The following GALNT13 variants were observed in gnomAD, a reference collection of about 807,000 sequenced individuals.
The protein encoded by GALNT13 is polypeptide N-acetylgalactosaminyltransferase 13, also known as UDP-GalNAc:polypeptide N-acetylgalactosaminyltransferase 13.
A neutral mutation model predicts 64.2 loss-of-function variants in GALNT13; 28 were observed. The ratio of observed to expected loss-of-function variants is 0.44; its 90% confidence interval spans 0.32 to 0.60. The LOEUF (loss-of-function observed/expected upper bound fraction) is 0.60. Among genes scored for constraint, GALNT13 ranks in the 20% least tolerant of loss-of-function variants. The pLI, the probability that GALNT13 is intolerant of heterozygous loss-of-function variation, is 0.05. For missense variants in GALNT13, 577 were observed against 669.8 expected (o/e 0.86, Z 1.53); for synonymous variants, 214 against 224.6 (o/e 0.95, Z 0.42).
At chr2:153,827,890 C>T in the GALNT13 span, among the ~76,000 whole-genome samples, 5 of 152,190 alleles carry the variant, frequency 3.3e-5, no homozygotes, top group African/African-American at 9.7e-5. Context: ...AATGGGTGTA[C>T]AGGCATTGGG....
intron 3 of GALNT13, among the ~76,000 whole-genome samples, chr2:154,065,740 A>G (rs993024077): frequency 1.3e-5 from 2 of 152,156 alleles, no homozygotes; most frequent in Non-Finnish European, 2.9e-5. Flanking sequence ...AATCATAGGA[A>G]GTCTTCCCTA....
chr2:153,631,700 G>A, the GALNT13 span, among the ~76,000 whole-genome samples: 23,035 of 152,086 alleles, frequency 0.15, 1,813 homozygotes, highest in South Asian at 0.18. Flanking sequence ...GTAGATTCTG[G>A]ATATTAGCCC....
At chr2:154,342,727 C>T (rs1226196303) in intron 9 of GALNT13, among the ~76,000 whole-genome samples, 10 of 151,864 alleles carry the variant, frequency 6.6e-5, no homozygotes, top group Middle Eastern at 3.2e-3. Flanking sequence ...ATTTGCTCTC[C>T]GGCCCTTTAC....
the GALNT13 span, among the ~76,000 whole-genome samples, chr2:153,784,112 G>A: frequency 0.096 from 14,669 of 152,110 alleles, 1,586 homozygotes; most frequent in African/African-American, 0.27. Flanking sequence ...GGAAAGTTTT[G>A]AACTTCTTAC....
At chr2:153,840,157 A>G in the GALNT13 span, among the ~76,000 whole-genome samples, 4 of 152,260 alleles carry the variant, frequency 2.6e-5, no homozygotes, top group African/African-American at 9.6e-5. Flanking sequence ...ACAAATAGAA[A>G]AATAAACAAA....
chr2:153,197,912 A>C, the GALNT13 span, among the ~76,000 whole-genome samples: 2,042 of 152,246 alleles, frequency 0.013, 25 homozygotes, highest in Non-Finnish European at 0.02. Context: ...AGCCCCAGGC[A>C]GGGGGGTTTC....
chr2:153,339,943 C>T, the GALNT13 span, among the ~76,000 whole-genome samples: 12 of 151,926 alleles, frequency 7.9e-5, no homozygotes, highest in Admixed American at 1.3e-4. Context: ...CTCTTTGTTC[C>T]GTTTCATTGT....
At chr2:153,703,429 G>C in the GALNT13 span, among the ~76,000 whole-genome samples, 1 of 151,424 alleles carries the variant, frequency 6.6e-6, no homozygotes, top group Non-Finnish European at 1.5e-5. Flanking sequence ...TATAAACTTC[G>C]CTTATGTAAA....
the GALNT13 span, among the ~76,000 whole-genome samples, chr2:153,696,072 C>T: frequency 6.6e-6 from 1 of 151,990 alleles, no homozygotes; most frequent in Non-Finnish European, 1.5e-5. Context: ...GGTAAAGTCC[C>T]ACAATAGGCC....
the GALNT13 span, among the ~76,000 whole-genome samples, chr2:153,424,069 G>T: frequency 6.7e-6 from 1 of 150,078 alleles, no homozygotes; most frequent in Non-Finnish European, 1.5e-5. Flanking sequence ...TTACTGAACA[G>T]ATCGAGCCAT....
At chr2:154,076,279 A>G (rs1700983662) in intron 3 of GALNT13, among the ~76,000 whole-genome samples, 1 of 151,776 alleles carries the variant, frequency 6.6e-6, no homozygotes, top group African/African-American at 2.4e-5. Flanking sequence ...AAGAATTCAA[A>G]TAGTTAAACA....
the GALNT13 span, among the ~76,000 whole-genome samples, chr2:153,576,966 TTTCTCTCTA>T: frequency 6.6e-6 from 1 of 152,196 alleles, no homozygotes; most frequent in Non-Finnish European, 1.5e-5. Flanking sequence ...ATGTTCCCTG[TTTCTCTCTA>T]TTTCATTGTT....
At chr2:154,235,172 G>A (rs533675191) in intron 4 of GALNT13, among the ~76,000 whole-genome samples, 1 of 152,166 alleles carries the variant, frequency 6.6e-6, no homozygotes, top group South Asian at 2.1e-4. Context: ...GAAAACAGAA[G>A]AAGCAAATAA....
chr2:153,090,082 TG>T, the GALNT13 span, among the ~76,000 whole-genome samples: 1 of 152,140 alleles, frequency 6.6e-6, no homozygotes, highest in South Asian at 2.1e-4. Flanking sequence ...GTTTCCAGTC[TG>T]GAAACACTTT....
the GALNT13 span, among the ~76,000 whole-genome samples, chr2:153,447,953 T>A: frequency 6.6e-6 from 1 of 152,146 alleles, no homozygotes; most frequent in East Asian, 1.9e-4. Context: ...ATGGATTGAT[T>A]TTTGATGATT....
At chr2:154,154,761 A>G (rs1684299228) in intron 4 of GALNT13, among the ~76,000 whole-genome samples, 4 of 152,296 alleles carry the variant, frequency 2.6e-5, no homozygotes, top group African/African-American at 7.2e-5. Context: ...GTATTTGTGT[A>G]TGTGCATTTA....
chr2:154,153,665 C>G (rs954167374), intron 4 of GALNT13, among the ~76,000 whole-genome samples: 7 of 152,210 alleles, frequency 4.6e-5, no homozygotes, highest in Non-Finnish European at 8.8e-5. Flanking sequence ...CTGGCTGCCA[C>G]TTTGCAGTTT....
the GALNT13 span, among the ~76,000 whole-genome samples, chr2:153,575,696 C>G: frequency 6.6e-6 from 1 of 152,138 alleles, no homozygotes; most frequent in Admixed American, 6.5e-5. Flanking sequence ...ACCAATATTT[C>G]CCTAAGGCCC....
At chr2:153,095,907 G>C in the GALNT13 span, among the ~76,000 whole-genome samples, 1 of 151,954 alleles carries the variant, frequency 6.6e-6, no homozygotes, top group Admixed American at 6.6e-5. Flanking sequence ...GAGCGGGGAG[G>C]GATAGCATTA....
Sources: gnomAD v4.1 joint callset for allele counts (sites outside exome capture counted in the v4.1 genomes callset) on GRCh38, gnomAD v4.1.1 for gene constraint, MANE v1.5 for transcripts, NCBI Gene and HGNC (gene_info 2026-07-23, HGNC 2026-07-21) for gene names.